Variants in ARHGAP32 observed in about 807,000 individuals in gnomAD.
ARHGAP32 encodes the protein Rho GTPase activating protein 32, also known as rho GTPase-activating protein 32.
ARHGAP32 carries 51 observed loss-of-function variants against 186.5 expected under a neutral mutation model. The observed-to-expected ratio is 0.27, with a 90% CI of 0.22 to 0.35. ARHGAP32 has a LOEUF of 0.35. ARHGAP32 is among the 10% of genes least tolerant of loss of function. The probability of loss-of-function intolerance (pLI) is 1.00; values close to 1 mark genes in which losing one functional copy is unlikely to be tolerated. For missense variants in ARHGAP32, 2,186 were observed against 2,623.5 expected, an observed-to-expected ratio of 0.83 and a Z score of 3.64; for synonymous variants, 950 against 964.3, an observed-to-expected ratio of 0.99 and a Z score of 0.27.
At chr11:129,265,882 A>C (rs555574142) in intron 1 of ARHGAP32, among the ~76,000 whole-genome samples, 26 of 152,330 alleles carry the variant, frequency 1.7e-4, no homozygotes, top group African/African-American at 6.3e-4. Context: ...ACTAAATATA[A>C]TACTAATCTA....
chr11:129,153,418 C>T lies in ARHGAP32; in HGVS notation c.225+10901G>A, dbSNP rs1005602858. ...TTATATGGAACCAAAAAAGAGCCCA[C>T]ATAGACAAAGAAAGACTAAGCAAAA... On this transcript the variant is annotated intron_variant, in intron 2 of 22. Transcript: ENST00000682385. Among the ~76,000 whole-genome samples, 6 of 152,124 alleles carry T rather than the reference C, an allele frequency of 3.9e-5. No homozygotes were observed. In the South Asian group the frequency reaches 1.2e-3, roughly 32 times the overall value.
intron 11 of ARHGAP32, 91 bp from the exon 12 acceptor site, chr11:128,998,559 G>T: frequency 1.1e-6 from 1 of 917,494 alleles, no homozygotes. Flanking sequence ...GAGGCTGACA[G>T]CAAAATAATC....
intron 19 of ARHGAP32, among the ~76,000 whole-genome samples, chr11:128,977,603 GGTT>G (rs372777202): frequency 6.6e-6 from 1 of 152,084 alleles, no homozygotes; most frequent in African/African-American, 2.4e-5. Context: ...CCATATCAAA[GGTT>G]GTTATTTCCT....
intron 12 of ARHGAP32, among the ~76,000 whole-genome samples, chr11:128,994,735 T>G (rs1421087317): frequency 6.6e-6 from 1 of 152,224 alleles, no homozygotes; most frequent in Non-Finnish European, 1.5e-5. Context: ...AATTTTTAGT[T>G]AATAAACTTC....
chr11:129,057,045 C>T (rs562086734), intron 10 of ARHGAP32, among the ~76,000 whole-genome samples: 364 of 152,246 alleles, frequency 2.4e-3, no homozygotes, highest in Non-Finnish European at 3.4e-3. Context: ...GTTCTGCAGC[C>T]GGAGCCCAGT....
intron 5 of ARHGAP32, among the ~76,000 whole-genome samples, chr11:129,122,757 G>T (rs1468664724): frequency 2.6e-5 from 4 of 152,166 alleles, no homozygotes; most frequent in African/African-American, 7.2e-5. Flanking sequence ...TTAGGGCAAG[G>T]ACAGGAAGTG....
chr11:129,126,201 G>A (rs979777663), intron 2 of ARHGAP32, among the ~76,000 whole-genome samples: 1 of 152,110 alleles, frequency 6.6e-6, no homozygotes, highest in African/African-American at 2.4e-5. Context: ...AGAGCCAGGC[G>A]GTAAATATTT....
intron 21 of ARHGAP32, 114 bp downstream of exon 21, chr11:128,974,010 C>G: frequency 7.7e-7 from 1 of 1,301,536 alleles, no homozygotes; most frequent in Non-Finnish European, 1.1e-6. Context: ...GAAAAGCATT[C>G]TCTTTGATTA....
chr11:129,268,377 C>G (rs1414152979), intron 1 of ARHGAP32, among the ~76,000 whole-genome samples: 4 of 152,022 alleles, frequency 2.6e-5, no homozygotes, highest in African/African-American at 9.7e-5. Context: ...AATAAGAACT[C>G]TTTTTAAAAA....
chr11:128,998,661 T>G (rs1946265677), intron 11 of ARHGAP32, among the ~76,000 whole-genome samples, 193 bp from the exon 12 acceptor site: 1 of 152,256 alleles, frequency 6.6e-6, no homozygotes, highest in Admixed American at 6.5e-5. Context: ...TTTTGTACTT[T>G]CTTTTTGTTG....
intron 6 of ARHGAP32, among the ~76,000 whole-genome samples, chr11:129,081,041 C>A (rs947817630): frequency 2.0e-5 from 3 of 151,966 alleles, no homozygotes; most frequent in Non-Finnish European, 4.4e-5. Context: ...TATTATACAA[C>A]CCTCCTAGAG....
intron 1 of ARHGAP32, among the ~76,000 whole-genome samples, chr11:129,187,549 G>C (rs1174805153): frequency 6.6e-6 from 1 of 151,390 alleles, no homozygotes; most frequent in East Asian, 1.9e-4. Flanking sequence ...ATAAAACAAA[G>C]GGTAAATGCT....
rs888804591 is a variant in ARHGAP32 at position 128,980,985 on chromosome 11, A to G, written c.1781-237T>C. 4.6e-5 allele frequency among the ~76,000 whole-genome samples: 7 copies of G among 152,358 alleles called. No homozygotes were observed. In the East Asian group the frequency reaches 1.3e-3, roughly 29 times the overall value. On this transcript the variant is annotated intron_variant, in intron 17 of 22. Transcript: ENST00000682385. Reference sequence around the variant, plus strand: ...CTGTTTTCCTTTCTTAAAAGATATGAGAAAAGCTTTATATTAAATAAAAAA... The same window carrying G: ...CTGTTTTCCTTTCTTAAAAGATATGGGAAAAGCTTTATATTAAATAAAAAA...
rs79932788 is a variant in ARHGAP32, at chr11:129,247,034, G to C, written c.-5+32112C>G. On this transcript the variant is annotated intron_variant, in intron 1 of 6. Coordinates refer to the ARHGAP32 transcript ENST00000525234. ...TTTCCTCACTAGGTCTACCTTCCAC[G>C]CTCTATAGTAAATACACTGACATAG... is the stretch of plus-strand genomic sequence containing the variant. Among the ~76,000 whole-genome samples, 965 of 152,054 alleles carry C rather than the reference G, an allele frequency of 6.3e-3. 9 individuals carry two copies. Among genetic ancestry groups the C allele is most frequent in the African/African-American group, 0.022 (931 of 41,454 alleles).
At chr11:129,197,425 G>T (rs1017431047) in intron 1 of ARHGAP32, among the ~76,000 whole-genome samples, 4 of 152,000 alleles carry the variant, frequency 2.6e-5, no homozygotes, top group African/African-American at 9.7e-5. Flanking sequence ...CATAATAATT[G>T]TTTTTTTCAA....
chr11:128,980,380 C>T (rs1427636109), intron 18 of ARHGAP32, 173 bp downstream of exon 18: 2 of 467,144 alleles, frequency 4.3e-6, no homozygotes, highest in Non-Finnish European at 7.4e-6. Context: ...TCATTTGCAT[C>T]ATTCCCCATG....
At chr11:129,255,288 A>G (rs532746281) in intron 1 of ARHGAP32, among the ~76,000 whole-genome samples, 2 of 152,222 alleles carry the variant, frequency 1.3e-5, no homozygotes, top group East Asian at 3.9e-4. Flanking sequence ...GCAATTGAAA[A>G]GGATCATCTT....
chr11:129,249,792 T>A (rs557715034), intron 1 of ARHGAP32, among the ~76,000 whole-genome samples: 1 of 152,300 alleles, frequency 6.6e-6, no homozygotes, highest in East Asian at 1.9e-4. Context: ...TGGGTTTTTT[T>A]AATGAAAACA....
At position 129,123,924 on chromosome 11, in the gene ARHGAP32, G is replaced by A; in HGVS notation, c.323C>T (p.Thr108Ile). The A allele has an allele frequency of 6.2e-6, 8 of 1,291,434 alleles. No individual in the cohort carries two copies. Among genetic ancestry groups the A allele is most frequent in the Non-Finnish European group, 8.1e-6 (8 of 990,240 alleles). The allele number at this position is 1,291,434 out of a possible 1,614,324, so 80.0% of individuals were successfully genotyped here. The change falls in exon 4 of 23, where the codon ACC becomes ATC. Residue 108 changes from threonine to isoleucine, a missense_variant. Physicochemically the swap from Thr to Ile is moderately conservative, Grantham distance 89. Around this residue, in one of 5 missense-constraint regions of ARHGAP32, gnomAD observed 308 missense variants for 596.5 expected, o/e 0.52. Coordinates refer to ENST00000682385, the MANE Select transcript of ARHGAP32 (RefSeq NM_001378024.1). The surrounding 1 kb of genome is among the most constrained non-coding windows in gnomAD (Gnocchi z 4.6). ...GTCACAGCCCATCAGTCCTGGAGTG[G>A]TGGACCTGAACGCAGAATGAACATT... The part of the protein sequence containing the change: ...SMKVKHVKKS[T>I]TPGLMGCDNI...
Sources: gnomAD v4.1 joint callset for allele counts (sites outside exome capture counted in the v4.1 genomes callset) on GRCh38, gnomAD v4.1.1 for gene constraint, gnomAD v4.1.1 regional missense constraint, Gnocchi (gnomAD v3.1) non-coding constraint, MANE v1.5 for transcripts, NCBI Gene and HGNC (gene_info 2026-07-23, HGNC 2026-07-21) for gene names.